COL3A1: variants seen among roughly 807,000 people sequenced by gnomAD.
The protein encoded by COL3A1 is collagen alpha-1(III) chain.
A neutral mutation model predicts 200.9 loss-of-function variants in COL3A1; 46 were observed. The ratio of observed to expected loss-of-function variants is 0.23; its 90% CI spans 0.18 to 0.29. The LOEUF (loss-of-function observed/expected upper bound fraction) is 0.29, where lower values mean the gene tolerates loss of function less well. COL3A1 is among the 10% of genes least tolerant of loss of function. The probability of loss-of-function intolerance (pLI) is 1.00; values close to 1 mark genes in which losing one functional copy is unlikely to be tolerated. For synonymous variants in COL3A1, 650 were observed against 628.0 expected, an observed-to-expected ratio of 1.03 and a Z score of -0.52; for missense variants, 1,367 against 1,917.6, an observed-to-expected ratio of 0.71 and a Z score of 5.36.
At chr2:188,976,568 G>A (rs1268302532) in intron 1 of COL3A1, among the ~76,000 whole-genome samples, 1 of 152,080 alleles carries the variant, frequency 6.6e-6, no homozygotes, top group Non-Finnish European at 1.5e-5. Flanking sequence ...AGTTACAGGA[G>A]GTATCTGAAT....
Position 189,011,907 on chromosome 2 carries a change from T to A in COL3A1, c.*133T>A. ...ATTTCCAAAATGTTTGGAAACAGTA[T>A]AATTTGACAAAGAAAAATGATACTT... On this transcript the variant is annotated 3_prime_UTR_variant, in exon 51 of 51. Coordinates refer to ENST00000304636, the MANE Select transcript of COL3A1 (RefSeq NM_000090.4). The A allele has an allele frequency of 1.0e-6, 1 of 964,700 alleles. No individual in the cohort carries two copies. The highest frequency in any genetic ancestry group is 1.6e-6 in the Non-Finnish European group (1 of 635,606). The allele number at this position is 964,700 out of a possible 1,614,324, so 59.8% of individuals were successfully genotyped here.
Position 189,006,944 on chromosome 2 carries a change from C to T in COL3A1, c.3209C>T (p.Ala1070Val). The T allele has an allele frequency of 2.5e-6, 4 of 1,613,146 alleles. No individual in the cohort carries two copies. Among genetic ancestry groups the T allele is most frequent in the Non-Finnish European group, 3.4e-6 (4 of 1,179,624 alleles). ...TGAATGTTTTCATCTTAGGGCCCTG[C>T]TGGCCCTGCTGGTGCTCCCGGTCCT... ...KSGDRGESGPAGPAGAPGPAG... is the reference protein window; with the variant it reads ...KSGDRGESGPVGPAGAPGPAG... Residue 1070 changes from alanine to valine, a missense_variant, in exon 44 of 51, where the codon GCT (alanine) becomes GTT (valine). Ala to Val is a moderately conservative substitution (Grantham distance 64, BLOSUM62 0). Coordinates refer to ENST00000304636, the MANE Select transcript of COL3A1 (RefSeq NM_000090.4).
At position 189,006,057 on chromosome 2, in the gene COL3A1, C is replaced by A. The variant is rs969506916; in HGVS notation, c.3040-149C>A. 1.2e-5 allele frequency: 9 copies of A among 759,376 alleles called. No homozygotes were observed. The African/African-American group carries it at 1.2e-4, about 10-fold the overall frequency. 47.0% of individuals were successfully genotyped at this position (759,376 alleles called of 1,614,324 possible). A position where few individuals can be genotyped will look rare whatever the true frequency, so the allele number is the denominator to read the frequency against. On this transcript the variant is annotated intron_variant, in intron 41 of 50. Transcript: ENST00000304636. ...TGGACATTGTGACCCTTTGAAGGGCCACACTGCTTTGTAATATCTAAGATT... is the reference window on the plus strand; with the variant it reads ...TGGACATTGTGACCCTTTGAAGGGCAACACTGCTTTGTAATATCTAAGATT...
At chr2:188,998,649 T>A in intron 28 of COL3A1, 25 bp from the exon 29 acceptor site, 1 of 1,611,384 alleles carries the variant, frequency 6.2e-7, no homozygotes, top group Middle Eastern at 1.7e-4. Flanking sequence ...GATATGGGCC[T>A]AATCATATAA....
chr2:188,980,112 T>C (rs1473939744), intron 1 of COL3A1, among the ~76,000 whole-genome samples: 1 of 151,614 alleles, frequency 6.6e-6, no homozygotes, highest in East Asian at 1.9e-4. Context: ...GTGATAAGGA[T>C]GGTGAAATGT....
rs551590890 is a variant in COL3A1, at chr2:189,008,340, T to C, written c.3525+198T>C. The C allele has an allele frequency of 6.6e-3, 4,010 of 610,778 alleles. 24 individuals carry two copies. Among genetic ancestry groups the C allele is most frequent in the Non-Finnish European group, 9.2e-3 (3,199 of 347,224 alleles). 37.8% of individuals were successfully genotyped at this position (610,778 alleles called of 1,614,324 possible). On this transcript the variant is annotated intron_variant, in intron 47 of 50. Transcript: ENST00000304636. Reference sequence around the variant, plus strand: ...ACTATAACAGGAGAAAAATACCTTTTTAAAAATTTGATCAGGTATCCATCG... The same window carrying C: ...ACTATAACAGGAGAAAAATACCTTTCTAAAAATTTGATCAGGTATCCATCG...
In COL3A1 at chr2:188,979,269, C is replaced by T. The variant is rs551147361; in HGVS notation, c.79+4701C>T. Among the ~76,000 whole-genome samples the T allele has an allele frequency of 1.3e-4, 20 of 152,010 alleles. No homozygotes were observed. In the South Asian group the frequency reaches 4.1e-3, roughly 31 times the overall value. The stretch of plus-strand genomic sequence containing the variant: ...GCATTTCTCAAGTAAATTAAAATCA[C>T]AGAAATACTCTTTGGAGTTGCATAG... On this transcript the variant is annotated intron_variant, in intron 1 of 50. Coordinates refer to ENST00000304636, the MANE Select transcript of COL3A1 (RefSeq NM_000090.4).
Position 188,998,252 on chromosome 2 carries a change from A to G in COL3A1, c.1924-14A>G. 1.2e-6 allele frequency: 2 copies of G among 1,612,116 alleles called. No homozygotes were observed. Among genetic ancestry groups the G allele is most frequent in the Non-Finnish European group, 8.5e-7 (1 of 1,178,366 alleles). On this transcript the variant is annotated splice_polypyrimidine_tract_variant and intron_variant, in intron 27 of 50. Coordinates refer to ENST00000304636, the MANE Select transcript of COL3A1 (RefSeq NM_000090.4). ...TTTGAGGTAATTACCTAATACAAATATGATTCTTTCTAGGGCTTGCCTGGT... is the reference window on the plus strand; with the variant it reads ...TTTGAGGTAATTACCTAATACAAATGTGATTCTTTCTAGGGCTTGCCTGGT...
At position 189,007,096 on chromosome 2, in the gene COL3A1, AATATATATATATATATATATATATAT is replaced by A. The variant is rs36195651; in HGVS notation, c.3255+125_3255+150del. On this transcript the variant is annotated intron_variant, in intron 44 of 50. Transcript: ENST00000304636. ...CCAGCGTGTTCAGGAAAAAAGAATG[AATATATATATATATATATATATATAT>A]ATATATATATATATATATTTGTTCT... 0.21 allele frequency: 48,851 copies of A among 230,100 alleles called. 8,108 individuals are homozygous for A. Among genetic ancestry groups the A allele is most frequent in the African/African-American group, 0.36 (9,925 of 27,896 alleles). The allele number at this position is 230,100 out of a possible 1,614,324, so 14.3% of individuals were successfully genotyped here.
At chr2:189,006,916 A>G in intron 43 of COL3A1, 21 bp from the exon 44 acceptor site, 1 of 1,612,988 alleles carries the variant, frequency 6.2e-7, no homozygotes, top group Non-Finnish European at 8.5e-7. Flanking sequence ...ATGTCTTCTC[A>G]ATTGAATGTT....
At chr2:189,010,401 C>T in intron 49 of COL3A1, 36 bp downstream of exon 49, 1 of 1,603,508 alleles carries the variant, frequency 6.2e-7, no homozygotes, top group Non-Finnish European at 8.5e-7. Flanking sequence ...AATAAGTCAC[C>T]TCTATATCCT....
rs375297079 is a variant in COL3A1, at chr2:189,006,184, T to A, written c.3040-22T>A. The A allele has an allele frequency of 5.8e-5, 94 of 1,613,748 alleles. No homozygotes were observed. In the African/African-American group the frequency reaches 1.2e-3, roughly 20 times the overall value. ...TTGGAAGGTTTCAAGAAATTTTATTTCCTTTCTCATTTTTTAATCAGGGAA... is the reference window on the plus strand; with the variant it reads ...TTGGAAGGTTTCAAGAAATTTTATTACCTTTCTCATTTTTTAATCAGGGAA... On this transcript the variant is annotated intron_variant, in intron 41 of 50. Transcript: ENST00000304636.
chr2:189,001,348 A>T, intron 32 of COL3A1, 49 bp from the exon 33 acceptor site: 1 of 1,566,134 alleles, frequency 6.4e-7, no homozygotes, highest in African/African-American at 1.4e-5. Context: ...TTAATGCAAA[A>T]AACGATATTT....
intron 44 of COL3A1, among the ~76,000 whole-genome samples, chr2:189,007,263 C>A (rs1224437759): frequency 2.0e-5 from 3 of 150,746 alleles, no homozygotes; most frequent in African/African-American, 7.3e-5. Flanking sequence ...AGTTCAGGAT[C>A]TAAAAGTTCT....
Position 188,988,658 on chromosome 2 carries a change from A to G in COL3A1, c.636+15A>G. The G allele has an allele frequency of 6.3e-7, 1 of 1,585,378 alleles. No homozygotes were observed. The highest frequency in any genetic ancestry group is 8.7e-7 in the Non-Finnish European group (1 of 1,155,426). On this transcript the variant is annotated intron_variant, in intron 7 of 50. Coordinates refer to ENST00000304636, the MANE Select transcript of COL3A1 (RefSeq NM_000090.4). The stretch of plus-strand genomic sequence containing the variant: ...CTGGTCCTTCAGTAAGTAACAATTA[A>G]ATTTATATTTAGTAAGTCGATAATT...
In COL3A1 at chr2:189,010,289, G is replaced by A. The variant is rs772919524; in HGVS notation, c.3935G>A (p.Arg1312Gln). 8.7e-6 allele frequency: 14 copies of A among 1,614,012 alleles called. No individual in the cohort carries two copies. The highest frequency in any genetic ancestry group is 5.5e-5 in the South Asian group (5 of 91,090). Residue 1312 changes from arginine (R) to glutamine (Q), a missense_variant, in exon 49 of 51, where the codon CGG becomes CAG. Transcript: ENST00000304636. ...CISANPLNVP[R>Q]KHWWTDSSAE... is the part of the protein sequence containing the mutation. Reference sequence around the variant, plus strand: ...AGTGCCAATCCTTTGAATGTTCCACGGAAACACTGGTGGACAGATTCTAGT... The same window carrying A: ...AGTGCCAATCCTTTGAATGTTCCACAGAAACACTGGTGGACAGATTCTAGT...
rs982619356 is a variant in COL3A1, at chr2:188,995,684, C to A, written c.1510-8C>A. On this transcript the variant is annotated splice_region_variant and splice_polypyrimidine_tract_variant and intron_variant, in intron 21 of 50. Coordinates refer to ENST00000304636, the MANE Select transcript of COL3A1 (RefSeq NM_000090.4). ...TTTAATTTTTTTAAAATTTCTTTCA[C>A]TACTTAGGGTCCTGCTGGAGAGCGT... is the stretch of plus-strand genomic sequence containing the variant. The A allele has an allele frequency of 5.2e-6, 8 of 1,547,066 alleles. No homozygotes were observed. The African/African-American group carries it at 1.1e-4, about 21-fold the overall frequency.
chr2:189,005,580 T>G, intron 41 of COL3A1, 123 bp downstream of exon 41: 4 of 780,386 alleles, frequency 5.1e-6, no homozygotes, highest in East Asian at 2.7e-5. Flanking sequence ...CTTCTATCTC[T>G]AATAACAGAA....
chr2:189,007,141 TTG>T, intron 44 of COL3A1, 151 bp downstream of exon 44: 1 of 136,100 alleles, frequency 7.3e-6, no homozygotes, highest in East Asian at 3.0e-4. Context: ...ATATATATAT[TTG>T]TTCTATCTAT....
Sources: gnomAD v4.1 joint callset for allele counts (sites outside exome capture counted in the v4.1 genomes callset) on GRCh38, gnomAD v4.1.1 for gene constraint, MANE v1.5 for transcripts, NCBI Gene and HGNC (gene_info 2026-07-23, HGNC 2026-07-21) for gene names.